Variants in NHSL1 observed in about 807,000 individuals in gnomAD.
The protein encoded by NHSL1 is NHS-like protein 1.
In NHSL1, 48 loss-of-function variants were observed where a neutral mutation model predicts 95.0. The observed-to-expected ratio is 0.51, with a 90% confidence interval of 0.40 to 0.64. The LOEUF (loss-of-function observed/expected upper bound fraction) is 0.64, where lower values mean the gene tolerates loss of function less well. Among genes scored for constraint, NHSL1 ranks in the 30% least tolerant of loss-of-function variants. NHSL1 has a pLI of 0.00. For missense variants in NHSL1, 1,971 were observed against 2,077.7 expected (o/e 0.95, Z 1.00); for synonymous variants, 783 against 833.9 (o/e 0.94, Z 1.05).
rs541185567 is a variant in NHSL1, at chr6:138,432,064, C to T, written c.2281G>A (p.Gly761Arg). ...ATTPNVYSLCGATPSQSDTSS... is the reference protein window; with the variant it reads ...ATTPNVYSLCRATPSQSDTSS... ...GTGTCACTCTGCGATGGCGTGGCCC[C>T]GCACAGGGAGTAGACATTGGGGGTG... Residue 761 changes from glycine (G) to arginine (R), a missense_variant, in exon 6 of 8, where the codon GGG (glycine) becomes AGG (arginine). By Grantham distance (125) the Gly-to-Arg change is moderately radical. This residue lies in a region of NHSL1 where 1,602 missense variants were observed against 1,654.5 expected (regional missense o/e 0.97). Transcript: ENST00000343505. This position sits in a 1 kb window ranked among gnomAD's most constrained non-coding sequence, Gnocchi z 4.4. 1.8e-5 allele frequency: 28 copies of T among 1,551,710 alleles called. No individual in the cohort carries two copies. Among genetic ancestry groups the T allele is most frequent in the East Asian group, 1.5e-4 (6 of 40,900 alleles).
chr6:138,576,323 T>A (rs529688384), upstream of NHSL1, among the ~76,000 whole-genome samples: 93 of 152,130 alleles, frequency 6.1e-4, no homozygotes, highest in Admixed American at 1.5e-3. Flanking sequence ...AATTGGTTTT[T>A]AAAAAAAATA....
chr6:138,567,240 A>G (rs1783654898), intron 1 of NHSL1, among the ~76,000 whole-genome samples: 1 of 151,868 alleles, frequency 6.6e-6, no homozygotes, highest in African/African-American at 2.4e-5. Context: ...CGATCCTCCC[A>G]CCTCAGCCTC....
chr6:138,662,621 A>G (rs1785241159), intron 1 of NHSL1, among the ~76,000 whole-genome samples: 1 of 152,190 alleles, frequency 6.6e-6, no homozygotes. Flanking sequence ...TTTCAAACAA[A>G]CAAGTGAGTC....
intron 1 of NHSL1, among the ~76,000 whole-genome samples, chr6:138,563,547 C>G (rs940717555): frequency 1.3e-5 from 2 of 152,158 alleles, no homozygotes; most frequent in Admixed American, 1.3e-4. Flanking sequence ...ATTATCAATC[C>G]AATGGCCAGT....
At chr6:138,691,301 C>G (rs1384969571) in intron 1 of NHSL1, among the ~76,000 whole-genome samples, 1 of 152,052 alleles carries the variant, frequency 6.6e-6, no homozygotes, top group Non-Finnish European at 1.5e-5. Flanking sequence ...GTTGACGGCA[C>G]AATCAAAGAG....
At chr6:138,593,292 C>T (rs1784257933) in intron 1 of NHSL1, among the ~76,000 whole-genome samples, 2 of 152,220 alleles carry the variant, frequency 1.3e-5, no homozygotes, top group Admixed American at 6.5e-5. Context: ...AGGCTCTGCC[C>T]ACTCTCCCAT....
At chr6:138,608,744 AC>A (rs1416678346) in intron 1 of NHSL1, among the ~76,000 whole-genome samples, 1 of 152,280 alleles carries the variant, frequency 6.6e-6, no homozygotes, top group African/African-American at 2.4e-5. Flanking sequence ...TTCAACTGCC[AC>A]TACAAACAAA....
intron 1 of NHSL1, among the ~76,000 whole-genome samples, chr6:138,679,959 G>GA (rs1785492770): frequency 6.6e-6 from 1 of 152,032 alleles, no homozygotes; most frequent in African/African-American, 2.4e-5. Flanking sequence ...AAAAAAGAGA[G>GA]AAAATGAAGC....
chr6:138,569,145 G>A (rs929894102), intron 1 of NHSL1, among the ~76,000 whole-genome samples: 4 of 152,054 alleles, frequency 2.6e-5, no homozygotes, highest in Admixed American at 1.3e-4. Flanking sequence ...CCGGACCCCC[G>A]CCAACCAGAG....
intron 1 of NHSL1, among the ~76,000 whole-genome samples, chr6:138,644,789 A>G (rs141444533): frequency 1.6e-3 from 238 of 152,348 alleles, no homozygotes; most frequent in African/African-American, 5.4e-3. Context: ...GTGTTTTTAC[A>G]CGGGTACATA....
intron 7 of NHSL1, among the ~76,000 whole-genome samples, chr6:138,425,360 G>C (rs1775193807): frequency 6.6e-6 from 1 of 152,154 alleles, no homozygotes; most frequent in Non-Finnish European, 1.5e-5. Flanking sequence ...GCCTCCCAAA[G>C]TGCTGGGATT....
chr6:138,581,786 G>T (rs2114490569), intron 1 of NHSL1, among the ~76,000 whole-genome samples: 1 of 151,858 alleles, frequency 6.6e-6, no homozygotes. Context: ...AGTGACACTG[G>T]GTTGGTGTGG....
chr6:138,553,424 A>T (rs903601558), intron 1 of NHSL1, among the ~76,000 whole-genome samples: 7 of 152,218 alleles, frequency 4.6e-5, no homozygotes, highest in African/African-American at 1.7e-4. Flanking sequence ...CGTGGCTGGC[A>T]TGGTATTACA....
intron 1 of NHSL1, among the ~76,000 whole-genome samples, chr6:138,558,276 C>A (rs1439299334): frequency 1.3e-5 from 2 of 151,772 alleles, no homozygotes; most frequent in Admixed American, 6.6e-5. Flanking sequence ...GCACCCACCA[C>A]CACGCCCGGC....
In NHSL1 at chr6:138,545,629, GA is replaced by G. The variant is rs1193758844; in HGVS notation, c.9del (p.Leu4Ter). ...GGACACGAAGTCCCCTCACCTTTCA[GA>G]CAGAACATTCTGCAGCAGTTCCATG... On this transcript the variant is annotated frameshift_variant, in exon 1 of 5. Coordinates refer to the NHSL1 transcript ENST00000342260. LOFTEE classifies it high-confidence loss of function. The G allele has an allele frequency of 3.9e-6, 5 of 1,289,218 alleles. No individual in the cohort carries two copies. Among genetic ancestry groups the G allele is most frequent in the Admixed American group, 2.3e-5 (1 of 43,550 alleles). 79.9% of individuals were successfully genotyped at this position (1,289,218 alleles called of 1,614,324 possible). A position where few individuals can be genotyped will look rare whatever the true frequency, so the allele number is the denominator to read the frequency against.
At chr6:138,671,342 C>A (rs1208702839) in intron 1 of NHSL1, among the ~76,000 whole-genome samples, 1 of 150,986 alleles carries the variant, frequency 6.6e-6, no homozygotes, top group Non-Finnish European at 1.5e-5. Flanking sequence ...CCCAGCTACT[C>A]GGGAGGCTGA....
At chr6:138,623,606 T>C (rs561190778) in intron 1 of NHSL1, among the ~76,000 whole-genome samples, 6 of 152,248 alleles carry the variant, frequency 3.9e-5, no homozygotes, top group East Asian at 1.9e-4. Context: ...TGTTGTACAA[T>C]AGCTCTCCTG....
At chr6:138,649,000 A>T (rs1408636104) in intron 1 of NHSL1, among the ~76,000 whole-genome samples, 3 of 152,290 alleles carry the variant, frequency 2.0e-5, no homozygotes, top group African/African-American at 7.2e-5. Context: ...GGTAAAATTA[A>T]GAAGGAGGTG....
intron 1 of NHSL1, among the ~76,000 whole-genome samples, chr6:138,532,891 A>T (rs1782194014): frequency 6.6e-6 from 1 of 150,496 alleles, no homozygotes; most frequent in Non-Finnish European, 1.5e-5. Flanking sequence ...TACAAGACAG[A>T]AGCTGAAAAG....
Sources: allele counts gnomAD v4.1 joint callset (sites outside exome capture counted in the v4.1 genomes callset), GRCh38; gene constraint gnomAD v4.1.1; regional missense constraint gnomAD v4.1.1; non-coding constraint Gnocchi (gnomAD v3.1); transcripts MANE v1.5; gene names NCBI Gene and HGNC (gene_info 2026-07-23, HGNC 2026-07-21).